Variants in RSPO3 observed in about 807,000 individuals in gnomAD.
RSPO3 encodes R-spondin 3, also known as R-spondin-3.
Under a neutral mutation model 36.5 loss-of-function variants are expected in RSPO3, and 17 were observed. That is an observed-to-expected ratio of 0.47 (90% CI 0.32 to 0.70). The LOEUF (loss-of-function observed/expected upper bound fraction) is 0.70. Among genes scored for constraint, RSPO3 ranks in the 30% least tolerant of loss-of-function variants. RSPO3 has a pLI of 0.04. For missense variants in RSPO3, 294 were observed against 322.5 expected, an observed-to-expected ratio of 0.91 and a Z score of 0.68; for synonymous variants, 108 against 107.0, an observed-to-expected ratio of 1.01 and a Z score of -0.06.
chr6:127,189,411 A>G (rs1458793327), intron 4 of RSPO3, among the ~76,000 whole-genome samples: 1 of 151,938 alleles, frequency 6.6e-6, no homozygotes, highest in African/African-American at 2.4e-5. Flanking sequence ...GACTAAAAAG[A>G]CAAGTGTGAG....
chr6:127,147,613 T>A (rs1013635528), intron 1 of RSPO3, among the ~76,000 whole-genome samples: 1 of 152,154 alleles, frequency 6.6e-6, no homozygotes, highest in Admixed American at 6.6e-5. Context: ...GCAGAGGTGA[T>A]GATGACTATT....
At chr6:127,187,243 C>T (rs761980298) in intron 4 of RSPO3, among the ~76,000 whole-genome samples, 4 of 152,120 alleles carry the variant, frequency 2.6e-5, no homozygotes, top group Non-Finnish European at 5.9e-5. Context: ...TAGAACACGA[C>T]AATGTTGTTA....
intron 1 of RSPO3, among the ~76,000 whole-genome samples, chr6:127,126,413 G>T (rs1398300304): frequency 6.6e-6 from 1 of 152,008 alleles, no homozygotes; most frequent in Non-Finnish European, 1.5e-5. Flanking sequence ...AAGGTACCTT[G>T]TCTATTTTAA....
At chr6:127,159,235 T>G (rs1042924452) in intron 4 of RSPO3, among the ~76,000 whole-genome samples, 16 of 152,168 alleles carry the variant, frequency 1.1e-4, no homozygotes, top group Non-Finnish European at 2.2e-4. Context: ...TCTAATTAAC[T>G]AAAGAGAATT....
chr6:127,128,778 AG>A (rs1773993087), intron 1 of RSPO3, among the ~76,000 whole-genome samples: 1 of 152,142 alleles, frequency 6.6e-6, no homozygotes, highest in African/African-American at 2.4e-5. Context: ...CTCAGTCAAA[AG>A]AACAGAGCAA....
intron 4 of RSPO3, among the ~76,000 whole-genome samples, chr6:127,178,555 C>T (rs867769696): frequency 6.6e-6 from 1 of 151,670 alleles, no homozygotes; most frequent in Non-Finnish European, 1.5e-5. Flanking sequence ...CATCATATAA[C>T]ATTTATTGCT....
At position 127,167,529 on chromosome 6, in the gene RSPO3, C is replaced by T. The variant is rs184542952; in HGVS notation, c.634+12091C>T. ...TCTTAATCCAGTCTATCATTGATCA[C>T]CATTTGGGTTGATTCCATGTCTATG... On this transcript the variant is annotated intron_variant, in intron 4 of 4. Coordinates refer to ENST00000356698, the MANE Select transcript of RSPO3 (RefSeq NM_032784.5). 6.6e-5 allele frequency among the ~76,000 whole-genome samples: 10 copies of T among 151,040 alleles called. No individual in the cohort carries two copies. In the East Asian group the frequency reaches 2.0e-3, roughly 30 times the overall value.
At chr6:127,183,859 C>A (rs560362261) in intron 4 of RSPO3, among the ~76,000 whole-genome samples, 1 of 151,876 alleles carries the variant, frequency 6.6e-6, no homozygotes, top group Non-Finnish European at 1.5e-5. Context: ...AAGACATAAC[C>A]GAGACTGGGT....
rs1431059902 is a variant in RSPO3, at chr6:127,119,179, A to G, written c.-14A>G. On this transcript the variant is annotated 5_prime_UTR_variant, in exon 1 of 5. Transcript: ENST00000356698. ...AGAAAGAGGAGAAAGGAAGGGAAGC[A>G]TTACTGGGTTACTATGCACTTGCGA... is the stretch of plus-strand genomic sequence containing the variant. The G allele has an allele frequency of 6.4e-7, 1 of 1,568,978 alleles. No individual in the cohort carries two copies. The highest frequency in any genetic ancestry group is 1.7e-5 in the Admixed American group (1 of 59,456).
intron 4 of RSPO3, among the ~76,000 whole-genome samples, chr6:127,168,561 T>C (rs549999842): frequency 6.6e-6 from 1 of 152,082 alleles, no homozygotes; most frequent in Non-Finnish European, 1.5e-5. Context: ...TTATTCACTC[T>C]GATGGTAGTT....
At chr6:127,175,085 A>AT (rs1412995131) in intron 4 of RSPO3, among the ~76,000 whole-genome samples, 11 of 151,758 alleles carry the variant, frequency 7.2e-5, no homozygotes, top group Admixed American at 1.3e-4. Flanking sequence ...CAAAAACGTG[A>AT]TTTTCCCCAG....
chr6:127,188,797 A>G (rs931726344), intron 4 of RSPO3, among the ~76,000 whole-genome samples: 9 of 152,300 alleles, frequency 5.9e-5, no homozygotes, highest in Non-Finnish European at 1.0e-4. Flanking sequence ...AAATTTCAAG[A>G]GATTAAGAAA....
At chr6:127,190,215 G>A (rs1775380243) in intron 4 of RSPO3, among the ~76,000 whole-genome samples, 1 of 152,080 alleles carries the variant, frequency 6.6e-6, no homozygotes, top group Non-Finnish European at 1.5e-5. Context: ...CCTGATATCA[G>A]GAGTTCAAGA....
intron 1 of RSPO3, among the ~76,000 whole-genome samples, chr6:127,121,750 A>T (rs1261306733): frequency 1.3e-5 from 2 of 152,232 alleles, no homozygotes; most frequent in Non-Finnish European, 2.9e-5. Flanking sequence ...GGGGAAAAAA[A>T]CGAACAAAAA....
chr6:127,191,354 G>T (rs915272412), intron 4 of RSPO3, among the ~76,000 whole-genome samples: 1 of 152,116 alleles, frequency 6.6e-6, no homozygotes, highest in Admixed American at 6.5e-5. Context: ...AACTGGGGGG[G>T]AGGGGTGTGA....
intron 4 of RSPO3, among the ~76,000 whole-genome samples, chr6:127,186,001 G>A (rs1485128243): frequency 6.6e-6 from 1 of 151,914 alleles, no homozygotes; most frequent in Non-Finnish European, 1.5e-5. Flanking sequence ...TAGAACAAAT[G>A]GAAATTTATC....
chr6:127,152,735 A>G (rs1774515077), intron 3 of RSPO3, among the ~76,000 whole-genome samples: 1 of 152,110 alleles, frequency 6.6e-6, no homozygotes, highest in African/African-American at 2.4e-5. Context: ...TCTGCTTTCC[A>G]TGGTTTGCAG....
intron 1 of RSPO3, among the ~76,000 whole-genome samples, chr6:127,126,030 T>C (rs1031148734): frequency 6.6e-6 from 1 of 152,132 alleles, no homozygotes; most frequent in Non-Finnish European, 1.5e-5. Context: ...TTCTTGGCAA[T>C]TAATTGCATA....
chr6:127,131,544 T>C (rs951559521), intron 1 of RSPO3, among the ~76,000 whole-genome samples: 7 of 152,114 alleles, frequency 4.6e-5, no homozygotes, highest in Non-Finnish European at 1.0e-4. Context: ...CAGTGCAGGA[T>C]ATTTTCGTCA....
Sources: allele counts gnomAD v4.1 joint callset (sites outside exome capture counted in the v4.1 genomes callset), GRCh38; gene constraint gnomAD v4.1.1; transcripts MANE v1.5; gene names NCBI Gene and HGNC (gene_info 2026-07-23, HGNC 2026-07-21).